Variants in ATP6V1C1 observed in about 807,000 individuals in gnomAD.
The protein encoded by ATP6V1C1 is ATPase H+ transporting V1 subunit C1.
Under a neutral mutation model 53.9 loss-of-function variants are expected in ATP6V1C1, and 45 were observed. That is an observed-to-expected ratio of 0.83 (90% CI 0.66 to 1.07). ATP6V1C1 has a LOEUF of 1.07. Among genes scored for constraint, ATP6V1C1 ranks in the 50% least tolerant of loss-of-function variants. The probability of loss-of-function intolerance (pLI) is 0.00; values close to 1 mark genes in which losing one functional copy is unlikely to be tolerated. For missense variants in ATP6V1C1, 315 were observed against 440.3 expected, an observed-to-expected ratio of 0.72 and a Z score of 2.55; for synonymous variants, 153 against 155.2, an observed-to-expected ratio of 0.99 and a Z score of 0.11.
At chr8:103,048,985 T>C in intron 4 of ATP6V1C1, 30 bp downstream of exon 4, 2 of 1,582,380 alleles carry the variant, frequency 1.3e-6, no homozygotes, top group Non-Finnish European at 1.7e-6. Flanking sequence ...TGATCATTAT[T>C]AACTCATACA....
intron 1 of ATP6V1C1, among the ~76,000 whole-genome samples, chr8:103,037,848 C>T (rs1816924989): frequency 6.6e-6 from 1 of 152,126 alleles, no homozygotes; most frequent in Admixed American, 6.5e-5. Context: ...AACTAAAGCT[C>T]CTTTCTCCTA....
At chr8:103,064,476 T>C (rs1817455186) in intron 10 of ATP6V1C1, 2 of 316,548 alleles carry the variant, frequency 6.3e-6, no homozygotes, top group African/African-American at 2.1e-5. Context: ...TCTGTGTTAG[T>C]GAATTGGTTC....
chr8:103,036,244 C>T (rs895527433), intron 1 of ATP6V1C1, among the ~76,000 whole-genome samples: 6 of 152,186 alleles, frequency 3.9e-5, no homozygotes, highest in African/African-American at 7.2e-5. Flanking sequence ...ACTAACCTCT[C>T]TGTGTATTAC....
intron 12 of ATP6V1C1, 112 bp downstream of exon 12, chr8:103,066,559 T>C (rs1220266822): frequency 8.2e-7 from 1 of 1,222,852 alleles, no homozygotes; most frequent in Non-Finnish European, 1.1e-6. Flanking sequence ...AATCATTTTT[T>C]ATTACTTTGA....
intron 1 of ATP6V1C1, among the ~76,000 whole-genome samples, chr8:103,025,980 C>T (rs944508690): frequency 2.0e-5 from 3 of 152,150 alleles, no homozygotes; most frequent in Non-Finnish European, 4.4e-5. Context: ...TTATAAATTG[C>T]CAGCCATGAA....
chr8:103,025,297 C>T (rs1816677074), intron 1 of ATP6V1C1, among the ~76,000 whole-genome samples: 1 of 152,142 alleles, frequency 6.6e-6, no homozygotes, highest in South Asian at 2.1e-4. Context: ...TGTTTCGCCC[C>T]TACCCACTAA....
chr8:103,023,131 T>C (rs1816626912), intron 1 of ATP6V1C1, among the ~76,000 whole-genome samples: 1 of 152,112 alleles, frequency 6.6e-6, no homozygotes, highest in Admixed American at 6.5e-5. Flanking sequence ...GAAGAAAGCT[T>C]TTCAGCCTTT....
chr8:103,054,030 A>T, intron 7 of ATP6V1C1, 48 bp downstream of exon 7: 1 of 1,437,314 alleles, frequency 7.0e-7, no homozygotes, highest in Non-Finnish European at 9.7e-7. Flanking sequence ...ATACAAGAAA[A>T]ATGTTAGTAT....
chr8:103,025,043 G>T (rs187883706), intron 1 of ATP6V1C1, among the ~76,000 whole-genome samples: 90 of 151,218 alleles, frequency 6.0e-4, no homozygotes, highest in African/African-American at 2.1e-3. Context: ...TAAAATGTGG[G>T]GTGTGTGTGT....
At chr8:103,054,235 A>C (rs1370174636) in intron 7 of ATP6V1C1, among the ~76,000 whole-genome samples, 1 of 152,072 alleles carries the variant, frequency 6.6e-6, no homozygotes, top group Non-Finnish European at 1.5e-5. Context: ...GCTCATTCAA[A>C]CATAAGTAAT....
chr8:103,062,959 C>A lies in ATP6V1C1; in HGVS notation c.646C>A (p.Leu216Ile). ...GGACTTTTTTTTTTTCCATAGTGTTCTTTCAGAGGACCAAGACAGTTACCT... is the reference window on the plus strand; with the variant it reads ...GGACTTTTTTTTTTTCCATAGTGTTATTTCAGAGGACCAAGACAGTTACCT... The part of the protein sequence containing the change: ...EMVVPRSSNV[L>I]SEDQDSYLCN... The change falls in exon 9 of 13, where the codon CTT (leucine) becomes ATT (isoleucine). Residue 216 changes from leucine to isoleucine, a missense_variant. Transcript: ENST00000518738. 1 of 1,610,284 alleles carries A rather than the reference C, an allele frequency of 6.2e-7. No individual in the cohort carries two copies. Among genetic ancestry groups the A allele is most frequent in the Non-Finnish European group, 8.5e-7 (1 of 1,178,540 alleles).
intron 2 of ATP6V1C1, among the ~76,000 whole-genome samples, chr8:103,041,808 G>A (rs1192597351): frequency 6.6e-6 from 1 of 152,120 alleles, no homozygotes; most frequent in Non-Finnish European, 1.5e-5. Context: ...GGAGGTGGAG[G>A]TTGCAGTGAG....
At chr8:103,031,023 TC>T (rs1328445993) in intron 1 of ATP6V1C1, among the ~76,000 whole-genome samples, 1 of 152,108 alleles carries the variant, frequency 6.6e-6, no homozygotes, top group Admixed American at 6.5e-5. Context: ...ATCAAGCTGA[TC>T]CTCCCCTAAC....
intron 3 of ATP6V1C1, among the ~76,000 whole-genome samples, chr8:103,045,048 A>G (rs537501213): frequency 1.7e-3 from 252 of 152,130 alleles, no homozygotes; most frequent in Middle Eastern, 3.4e-3. Context: ...AGTTCCTTCA[A>G]CTCTGGGGAT....
At chr8:103,029,664 G>T (rs938451459) in intron 1 of ATP6V1C1, among the ~76,000 whole-genome samples, 4 of 152,094 alleles carry the variant, frequency 2.6e-5, no homozygotes, top group African/African-American at 9.7e-5. Flanking sequence ...GTATATCTAA[G>T]ATATATTTTA....
At chr8:103,066,813 T>C (rs1247721646) in intron 12 of ATP6V1C1, among the ~76,000 whole-genome samples, 1 of 152,008 alleles carries the variant, frequency 6.6e-6, no homozygotes, top group African/African-American at 2.4e-5. Flanking sequence ...ATAGAGTCAA[T>C]AGATGAGTAT....
At chr8:103,068,282 C>A (rs1347078416) in intron 12 of ATP6V1C1, among the ~76,000 whole-genome samples, 1 of 152,172 alleles carries the variant, frequency 6.6e-6, no homozygotes, top group African/African-American at 2.4e-5. Flanking sequence ...ATCATACTTG[C>A]TTTATTTTTA....
At chr8:103,048,980 A>G (rs1193232911) in intron 4 of ATP6V1C1, 25 bp downstream of exon 4, 3 of 1,596,408 alleles carry the variant, frequency 1.9e-6, no homozygotes, top group Admixed American at 3.4e-5. Context: ...ATGATTGATC[A>G]TTATTAACTC....
chr8:103,054,005 G>T (rs1391327510), intron 7 of ATP6V1C1, 23 bp downstream of exon 7: 2 of 1,551,764 alleles, frequency 1.3e-6, no homozygotes, highest in Middle Eastern at 1.7e-4. Context: ...ATTATAAAAG[G>T]TTTTACTTGT....
Sources: gnomAD v4.1 joint callset for allele counts (sites outside exome capture counted in the v4.1 genomes callset) on GRCh38, gnomAD v4.1.1 for gene constraint, MANE v1.5 for transcripts, NCBI Gene and HGNC (gene_info 2026-07-23, HGNC 2026-07-21) for gene names.